ANKRD28: variants seen among roughly 807,000 people sequenced by gnomAD.
The protein encoded by ANKRD28 is serine/threonine-protein phosphatase 6 regulatory ankyrin repeat subunit A.
Under a neutral mutation model 126.5 loss-of-function variants are expected in ANKRD28, and 44 were observed. The ratio of observed to expected loss-of-function variants is 0.35; its 90% CI spans 0.27 to 0.45. The LOEUF is 0.45. ANKRD28 is among the 20% of genes least tolerant of loss of function. The probability of loss-of-function intolerance (pLI) is 1.00; values close to 1 mark genes in which losing one functional copy is unlikely to be tolerated. For synonymous variants in ANKRD28, 442 were observed against 468.5 expected (o/e 0.94, Z 0.73); for missense variants, 1,110 against 1,316.6 (o/e 0.84, Z 2.43).
chr3:15,758,334 G>T (rs1483836600), intron 3 of ANKRD28, among the ~76,000 whole-genome samples: 1 of 152,110 alleles, frequency 6.6e-6, no homozygotes, highest in African/African-American at 2.4e-5. Flanking sequence ...AGTAGAATGA[G>T]CAAAAACCAA....
At chr3:15,765,892 T>C (rs542427026) in intron 3 of ANKRD28, among the ~76,000 whole-genome samples, 4 of 150,282 alleles carry the variant, frequency 2.7e-5, no homozygotes, top group Non-Finnish European at 5.9e-5. Context: ...CTACATATAA[T>C]GCTTATCCCA....
intron 7 of ANKRD28, among the ~76,000 whole-genome samples, chr3:15,723,721 T>C (rs982432705): frequency 1.3e-5 from 2 of 152,042 alleles, no homozygotes; most frequent in Non-Finnish European, 2.9e-5. Flanking sequence ...CAGTGAGCTG[T>C]GATTGTGCCA....
chr3:15,788,218 T>C (rs9810479), intron 2 of ANKRD28, among the ~76,000 whole-genome samples: 3,703 of 152,288 alleles, frequency 0.024, 161 homozygotes, highest in African/African-American at 0.082. Flanking sequence ...GTAACAGCAC[T>C]TGGTATTATA....
intron 15 of ANKRD28, 72 bp from the exon 16 acceptor site, chr3:15,695,286 G>C: frequency 8.6e-7 from 1 of 1,162,398 alleles, no homozygotes; most frequent in South Asian, 1.4e-5. Context: ...AACTTATATA[G>C]AGCTTTGCTA....
At chr3:15,674,112 C>T (rs926061042) in intron 27 of ANKRD28, among the ~76,000 whole-genome samples, 2 of 125,228 alleles carry the variant, frequency 1.6e-5, no homozygotes, top group Admixed American at 2.0e-4. Flanking sequence ...TTCAAGGTTA[C>T]AATCAGCTAT....
intron 4 of ANKRD28, among the ~76,000 whole-genome samples, chr3:15,737,769 C>G (rs1379332552): frequency 2.0e-5 from 3 of 152,028 alleles, no homozygotes; most frequent in Non-Finnish European, 4.4e-5. Flanking sequence ...AGAGCCACAC[C>G]TGGCTCTTTG....
rs1450619085 is a variant in ANKRD28, at chr3:15,843,595, A to C, written c.27+15782T>G. ...AGTTTGAGCCAAAAATAAGGGAAAAAAAAGAGAGAGAGGCAGAAATTAAAG... is the reference window on the plus strand; with the variant it reads ...AGTTTGAGCCAAAAATAAGGGAAAACAAAGAGAGAGAGGCAGAAATTAAAG... On this transcript the variant is annotated intron_variant, in intron 1 of 27. Coordinates refer to the ANKRD28 transcript ENST00000399451. The surrounding 1 kb of genome is among the most constrained non-coding windows in gnomAD (Gnocchi z 5.2). 6.6e-6 allele frequency among the ~76,000 whole-genome samples: 1 copy of C among 152,226 alleles called. No individual in the cohort carries two copies. The highest frequency in any genetic ancestry group is 1.5e-5 in the Non-Finnish European group (1 of 68,038).
chr3:15,701,199 A>G (rs2070551207), intron 14 of ANKRD28, among the ~76,000 whole-genome samples: 1 of 152,248 alleles, frequency 6.6e-6, no homozygotes, highest in Non-Finnish European at 1.5e-5. Context: ...ATTTCTTTAA[A>G]TGCTGAATTT....
intron 4 of ANKRD28, among the ~76,000 whole-genome samples, chr3:15,739,089 CT>C (rs1346679778): frequency 6.6e-6 from 1 of 152,104 alleles, no homozygotes; most frequent in Admixed American, 6.5e-5. Flanking sequence ...TTATCCTGTT[CT>C]TTTTTTAAGG....
At chr3:15,696,009 T>C in intron 15 of ANKRD28, 125 bp downstream of exon 15, 1 of 688,384 alleles carries the variant, frequency 1.5e-6, no homozygotes, top group South Asian at 1.7e-5. Flanking sequence ...TTAAGAGGTA[T>C]ATAAATTCTG....
rs1345010435 is a variant in ANKRD28 at position 15,857,601 on chromosome 3, A to T, written c.27+1776T>A. On this transcript the variant is annotated intron_variant, in intron 1 of 27. Transcript: ENST00000399451. ...CGCCTGGCCGCAAGTGGCATTTTAA[A>T]GTTCAATATTACCACTGAAGATTAA... is the stretch of plus-strand genomic sequence containing the variant. Among the ~76,000 whole-genome samples, 4 of 152,346 alleles carry T rather than the reference A, an allele frequency of 2.6e-5. 1 individual carries two copies. The South Asian group carries it at 8.3e-4, about 32-fold the overall frequency.
At position 15,710,527 on chromosome 3, in the gene ANKRD28, G is replaced by A. The variant is rs560238632; in HGVS notation, c.1337+684C>T. ...TGTGCTGGTGTACTCTTGGTTCAAC[G>A]TACTCGTCCTCTGAAATCACTGAAA... is the stretch of plus-strand genomic sequence containing the variant. On this transcript the variant is annotated intron_variant, in intron 12 of 27. Transcript: ENST00000683139. Among the ~76,000 whole-genome samples the A allele has an allele frequency of 6.6e-5, 10 of 152,238 alleles. No individual in the cohort carries two copies. In the South Asian group the frequency reaches 1.7e-3, roughly 25 times the overall value.
intron 1 of ANKRD28, among the ~76,000 whole-genome samples, chr3:15,856,954 C>G (rs1035223339): frequency 2.6e-5 from 4 of 152,198 alleles, no homozygotes; most frequent in Admixed American, 2.0e-4. Flanking sequence ...GAGCTAAAAG[C>G]TATGGCAAGT....
intron 3 of ANKRD28, among the ~76,000 whole-genome samples, chr3:15,761,071 A>T (rs1436157583): frequency 2.0e-5 from 3 of 152,220 alleles, no homozygotes; most frequent in Non-Finnish European, 4.4e-5. Flanking sequence ...AGAGAAATAT[A>T]TTTAGAGAAT....
At chr3:15,856,004 C>T (rs1428882497) in intron 1 of ANKRD28, among the ~76,000 whole-genome samples, 2 of 152,226 alleles carry the variant, frequency 1.3e-5, no homozygotes, top group Admixed American at 6.5e-5. Flanking sequence ...CTGTATTTAA[C>T]GGGAATCTTA....
At chr3:15,677,797 T>C (rs1360060853) in intron 24 of ANKRD28, among the ~76,000 whole-genome samples, 1 of 152,210 alleles carries the variant, frequency 6.6e-6, no homozygotes, top group African/African-American at 2.4e-5. Flanking sequence ...ATTTTGTGAC[T>C]GTGCACTAAA....
At chr3:15,794,571 C>T (rs2060192872) in intron 2 of ANKRD28, among the ~76,000 whole-genome samples, 1 of 110,622 alleles carries the variant, frequency 9.0e-6, no homozygotes, top group South Asian at 3.4e-4. Flanking sequence ...AAACTAAATA[C>T]TGGCCACTGA....
chr3:15,724,579 A>G, intron 6 of ANKRD28, 55 bp from the exon 7 acceptor site: 1 of 1,460,234 alleles, frequency 6.8e-7, no homozygotes, highest in East Asian at 2.5e-5. Flanking sequence ...AAACTATTAA[A>G]TATAATCCCA....
At chr3:15,734,728 C>A (rs185702505) in intron 6 of ANKRD28, among the ~76,000 whole-genome samples, 90 of 152,294 alleles carry the variant, frequency 5.9e-4, no homozygotes, top group African/African-American at 2.1e-3. Context: ...GCGAGCATTT[C>A]TATTCTGCTG....
Sources: gnomAD v4.1 joint callset for allele counts (sites outside exome capture counted in the v4.1 genomes callset) on GRCh38, gnomAD v4.1.1 for gene constraint, Gnocchi (gnomAD v3.1) non-coding constraint, MANE v1.5 for transcripts, NCBI Gene and HGNC (gene_info 2026-07-23, HGNC 2026-07-21) for gene names.